CELF4: variants seen among roughly 807,000 people sequenced by gnomAD.
The protein encoded by CELF4 is CUG-BP- and ETR-3-like factor 4.
Under a neutral mutation model 59.9 loss-of-function variants are expected in CELF4, and 18 were observed. That is an observed-to-expected ratio of 0.30 (90% CI 0.21 to 0.45). CELF4 has a LOEUF of 0.45. Ranked by LOEUF, CELF4 falls within the 20% of genes least tolerant of loss-of-function variation. The probability of loss-of-function intolerance (pLI) is 1.00; values close to 1 mark genes in which losing one functional copy is unlikely to be tolerated. For synonymous variants in CELF4, 261 were observed against 267.1 expected, an observed-to-expected ratio of 0.98 and a Z score of 0.22; for missense variants, 456 against 689.0, an observed-to-expected ratio of 0.66 and a Z score of 3.79.
At chr18:37,297,965 G>A (rs1432658376) in intron 3 of CELF4, among the ~76,000 whole-genome samples, 1 of 152,384 alleles carries the variant, frequency 6.6e-6, no homozygotes, top group East Asian at 1.9e-4. Flanking sequence ...GGAAGCAGGA[G>A]TCCCTTGGCC....
intron 2 of CELF4, among the ~76,000 whole-genome samples, chr18:37,367,959 G>A (rs1437308161): frequency 6.6e-6 from 1 of 152,002 alleles, no homozygotes; most frequent in Non-Finnish European, 1.5e-5. Flanking sequence ...GCAGAGTCAG[G>A]GGGAGGGTGG....
chr18:37,367,877 C>T (rs561171009), intron 2 of CELF4, among the ~76,000 whole-genome samples: 22 of 152,240 alleles, frequency 1.4e-4, no homozygotes, highest in Middle Eastern at 3.4e-3. Context: ...TCCCTCTCCC[C>T]ACCTTTCCTT....
chr18:37,290,305 C>G (rs753686938), intron 3 of CELF4, among the ~76,000 whole-genome samples: 1 of 152,214 alleles, frequency 6.6e-6, no homozygotes, highest in African/African-American at 2.4e-5. Context: ...GCTTCATCCA[C>G]AGGTATATGT....
chr18:37,337,160 C>T (rs867267271), intron 2 of CELF4, among the ~76,000 whole-genome samples: 3 of 152,126 alleles, frequency 2.0e-5, no homozygotes, highest in Non-Finnish European at 4.4e-5. Context: ...CCTGCGGTGG[C>T]CCTGGGGTCT....
At chr18:37,337,909 G>A (rs2154545063) in intron 2 of CELF4, among the ~76,000 whole-genome samples, 1 of 152,322 alleles carries the variant, frequency 6.6e-6, no homozygotes, top group Non-Finnish European at 1.5e-5. Context: ...GCCTGTCTGT[G>A]TTTAACCTGA....
intron 3 of CELF4, among the ~76,000 whole-genome samples, chr18:37,294,729 T>TGTC (rs1283532256): frequency 6.6e-6 from 1 of 152,250 alleles, no homozygotes; most frequent in East Asian, 1.9e-4. Context: ...GCAGCAGCTC[T>TGTC]GTCAGTGGAA....
At chr18:37,475,383 C>T (rs1307925788) in intron 2 of CELF4, among the ~76,000 whole-genome samples, 2 of 152,216 alleles carry the variant, frequency 1.3e-5, no homozygotes, top group African/African-American at 4.8e-5. Context: ...AGAGTAAGCT[C>T]AAGACTCTGC....
At chr18:37,374,239 T>C (rs1490732492) in intron 2 of CELF4, among the ~76,000 whole-genome samples, 4 of 152,198 alleles carry the variant, frequency 2.6e-5, no homozygotes. Flanking sequence ...AGCCTCAATG[T>C]GACTAATTTG....
At chr18:37,517,944 G>A (rs561999681) in intron 1 of CELF4, among the ~76,000 whole-genome samples, 2 of 152,170 alleles carry the variant, frequency 1.3e-5, no homozygotes, top group African/African-American at 2.4e-5. Flanking sequence ...TGGTAGGGGG[G>A]CACCTATAAC....
chr18:37,253,859 C>T lies in CELF4; in HGVS notation c.1413G>A (p.Arg471=). The T allele has an allele frequency of 6.2e-7, 1 of 1,608,670 alleles. No homozygotes were observed. The highest frequency in any genetic ancestry group is 1.1e-5 in the South Asian group (1 of 90,336). Residue 471 remains arginine, a synonymous_variant, in exon 12 of 13, where the codon AGG becomes AGA. Coordinates refer to ENST00000420428, the MANE Select transcript of CELF4 (RefSeq NM_020180.4). This position sits in a 1 kb window ranked among gnomAD's most constrained non-coding sequence, Gnocchi z 4.5. ...TGGGCCGCTTCAGCTGCACCTTGAGCCTCTTCATGCCGATCTGGAAGCCGT... is the reference window on the plus strand; with the variant it reads ...TGGGCCGCTTCAGCTGCACCTTGAGTCTCTTCATGCCGATCTGGAAGCCGT... The part of the protein sequence containing the change: ...AMNGFQIGMK[R]LKVQLKRPKD...
chr18:37,499,909 T>A (rs2099929579), intron 1 of CELF4, among the ~76,000 whole-genome samples: 1 of 152,152 alleles, frequency 6.6e-6, no homozygotes, highest in Non-Finnish European at 1.5e-5. Context: ...GCATGGGAAG[T>A]ACACGTCCCT....
chr18:37,278,802 C>T (rs534940654), intron 3 of CELF4, among the ~76,000 whole-genome samples: 1 of 152,290 alleles, frequency 6.6e-6, no homozygotes, highest in African/African-American at 2.4e-5. Flanking sequence ...GGGGAACACA[C>T]TTGAAGCAAC....
rs2099879372 is a variant in CELF4, at chr18:37,485,516, G to T, written c.369+9C>A. ...GTCGGCCGCTTGCGCCACGGCGGGC[G>T]CCACTTACCCCGGGCAGAGTCTTCT... On this transcript the variant is annotated intron_variant, in intron 2 of 12. Coordinates refer to ENST00000420428, the MANE Select transcript of CELF4 (RefSeq NM_020180.4). 3.0e-6 allele frequency: 4 copies of T among 1,348,092 alleles called. No individual in the cohort carries two copies. The highest frequency in any genetic ancestry group is 2.8e-5 in the Admixed American group (1 of 36,314). 83.5% of individuals were successfully genotyped at this position (1,348,092 alleles called of 1,614,324 possible).
chr18:37,268,804 T>A (rs545848919), intron 8 of CELF4, among the ~76,000 whole-genome samples: 2 of 152,352 alleles, frequency 1.3e-5, no homozygotes, highest in Non-Finnish European at 2.9e-5. Context: ...TTTTGAAGGA[T>A]CTCGCTCATT....
intron 2 of CELF4, among the ~76,000 whole-genome samples, chr18:37,455,509 C>T (rs932938947): frequency 6.6e-6 from 1 of 152,194 alleles, no homozygotes; most frequent in Non-Finnish European, 1.5e-5. Context: ...GTTTGGGGCT[C>T]CCCAATGAGA....
intron 3 of CELF4, among the ~76,000 whole-genome samples, chr18:37,298,550 C>A (rs1292383860): frequency 6.6e-6 from 1 of 151,946 alleles, no homozygotes; most frequent in African/African-American, 2.4e-5. Flanking sequence ...CGAAACATGG[C>A]AAAACCCCAT....
At chr18:37,528,214 A>G (rs546447619) in intron 1 of CELF4, among the ~76,000 whole-genome samples, 3 of 152,354 alleles carry the variant, frequency 2.0e-5, no homozygotes, top group African/African-American at 7.2e-5. Context: ...AGAAAATCCA[A>G]CAAAGAAAAT....
At chr18:37,387,970 C>T (rs1038133489) in intron 2 of CELF4, among the ~76,000 whole-genome samples, 1 of 152,180 alleles carries the variant, frequency 6.6e-6, no homozygotes, top group Non-Finnish European at 1.5e-5. Context: ...TCCTCCTTCC[C>T]ACCAGCTGAT....
intron 12 of CELF4, among the ~76,000 whole-genome samples, chr18:37,250,358 CTT>C (rs1207216925): frequency 3.9e-5 from 6 of 152,170 alleles, no homozygotes; most frequent in African/African-American, 1.4e-4. Context: ...CACTCAGGAC[CTT>C]GCTTCATGGA....
Sources: gnomAD v4.1 joint callset for allele counts (sites outside exome capture counted in the v4.1 genomes callset) on GRCh38, gnomAD v4.1.1 for gene constraint, Gnocchi (gnomAD v3.1) non-coding constraint, MANE v1.5 for transcripts, NCBI Gene and HGNC (gene_info 2026-07-23, HGNC 2026-07-21) for gene names.